Variants in RBBP8 observed in about 807,000 individuals in gnomAD.
RBBP8 encodes RB binding protein 8, endonuclease.
RBBP8 carries 88 observed loss-of-function variants against 108.3 expected under a neutral mutation model. The ratio of observed to expected loss-of-function variants is 0.81; its 90% CI spans 0.68 to 0.97. The LOEUF (loss-of-function observed/expected upper bound fraction) is 0.97. RBBP8 is among the 50% of genes least tolerant of loss of function. RBBP8 has a pLI of 0.00. For missense variants in RBBP8, 1,023 were observed against 1,049.0 expected, an observed-to-expected ratio of 0.98 and a Z score of 0.34; for synonymous variants, 332 against 348.2, an observed-to-expected ratio of 0.95 and a Z score of 0.52.
Position 23,026,311 on chromosome 18 carries a change from C to T in RBBP8, c.*71C>T, listed in dbSNP as rs2046450948. ...TAGTTATTTATAGTTAAAGTTGGTA[C>T]TAAACATTGATTTTTTTGATCTTCT... On this transcript the variant is annotated 3_prime_UTR_variant, in exon 19 of 19. Transcript: ENST00000327155. 49 of 1,243,042 alleles carry T rather than the reference C, an allele frequency of 3.9e-5. No individual in the cohort carries two copies. The South Asian group carries it at 5.9e-4, about 15-fold the overall frequency. 77.0% of individuals were successfully genotyped at this position (1,243,042 alleles called of 1,614,324 possible).
intron 2 of RBBP8, among the ~76,000 whole-genome samples, chr18:22,940,184 TG>T (rs1910954091): frequency 1.3e-5 from 2 of 152,012 alleles, no homozygotes; most frequent in African/African-American, 4.8e-5. Context: ...CAAAAAATGT[TG>T]GGATTTTGGG....
At chr18:22,966,591 A>AG (rs1913610274) in intron 4 of RBBP8, among the ~76,000 whole-genome samples, 2 of 106,534 alleles carry the variant, frequency 1.9e-5, no homozygotes, top group African/African-American at 3.0e-5. Flanking sequence ...AAAAAAAAAA[A>AG]AGTCTATGTT....
chr18:22,996,510 A>T, intron 13 of RBBP8, 48 bp downstream of exon 13: 1 of 1,601,772 alleles, frequency 6.2e-7, no homozygotes, highest in Non-Finnish European at 8.5e-7. Flanking sequence ...TATTCCAATG[A>T]GTTGTTAGTC....
At chr18:22,920,090 C>T (rs1350959346) in intron 3 of RBBP8, among the ~76,000 whole-genome samples, 2 of 151,856 alleles carry the variant, frequency 1.3e-5, no homozygotes, top group African/African-American at 2.4e-5. Flanking sequence ...TGAGAGGCCA[C>T]GGTAAGCGGA....
intron 3 of RBBP8, among the ~76,000 whole-genome samples, chr18:22,920,450 A>T (rs1169187292): frequency 6.6e-6 from 1 of 152,230 alleles, no homozygotes; most frequent in Non-Finnish European, 1.5e-5. Context: ...CTATTATCTT[A>T]GAAATTATGT....
intron 6 of RBBP8, among the ~76,000 whole-genome samples, chr18:22,978,509 TG>T (rs200448298): frequency 0.01 from 1,529 of 150,998 alleles, 24 homozygotes; most frequent in African/African-American, 0.034. Flanking sequence ...TAGTTTTGTT[TG>T]TTTTTTTGTT....
chr18:22,919,830 G>A (rs1371181863), intron 3 of RBBP8, among the ~76,000 whole-genome samples: 1 of 151,988 alleles, frequency 6.6e-6, no homozygotes, highest in Admixed American at 6.6e-5. Context: ...GGGATTACAG[G>A]TGTGAGCCAC....
At chr18:22,958,452 C>G (rs1416575701) in intron 4 of RBBP8, among the ~76,000 whole-genome samples, 1 of 152,196 alleles carries the variant, frequency 6.6e-6, no homozygotes, top group Non-Finnish European at 1.5e-5. Context: ...GAATTTCTCA[C>G]TACCCTTTTT....
At chr18:22,934,648 A>G (rs1910367008) in intron 1 of RBBP8, 1 of 151,488 alleles carries the variant, frequency 6.6e-6, no homozygotes, top group Non-Finnish European at 1.5e-5. Flanking sequence ...CTTTAGGTAT[A>G]TCTCCTAATC....
At chr18:22,986,684 C>T (rs899698203) in intron 8 of RBBP8, among the ~76,000 whole-genome samples, 2 of 152,094 alleles carry the variant, frequency 1.3e-5, no homozygotes, top group Non-Finnish European at 2.9e-5. Context: ...TTAAAAAGGT[C>T]AGAGGAGATG....
chr18:22,995,410 A>G (rs1281999437), intron 12 of RBBP8, among the ~76,000 whole-genome samples: 3 of 152,166 alleles, frequency 2.0e-5, no homozygotes, highest in African/African-American at 7.2e-5. Flanking sequence ...CATCAATGTT[A>G]TAGTTTTTAA....
chr18:23,005,307 G>A (rs1020727749), intron 15 of RBBP8, among the ~76,000 whole-genome samples: 7 of 152,202 alleles, frequency 4.6e-5, no homozygotes, highest in Admixed American at 4.6e-4. Flanking sequence ...ACAAAGAAAT[G>A]ACAAATGTTT....
At chr18:23,024,090 G>A (rs1261720456) in intron 18 of RBBP8, among the ~76,000 whole-genome samples, 1 of 137,254 alleles carries the variant, frequency 7.3e-6, no homozygotes, top group Non-Finnish European at 1.5e-5. Context: ...TCACCATACT[G>A]GCCAGGCTGG....
chr18:22,918,592 A>G (rs1035206453), intron 3 of RBBP8, among the ~76,000 whole-genome samples: 1 of 152,150 alleles, frequency 6.6e-6, no homozygotes, highest in Admixed American at 6.6e-5. Context: ...GCATGGCTGT[A>G]CCTTACTTGT....
At chr18:22,956,353 G>A (rs1282642279) in intron 4 of RBBP8, among the ~76,000 whole-genome samples, 1 of 151,570 alleles carries the variant, frequency 6.6e-6, no homozygotes, top group Non-Finnish European at 1.5e-5. Context: ...GTTTTGTTTA[G>A]AGACAGGGTC....
At chr18:23,026,047 T>C in intron 18 of RBBP8, 96 bp from the exon 19 acceptor site, 1 of 977,354 alleles carries the variant, frequency 1.0e-6, no homozygotes, top group Admixed American at 2.0e-5. Context: ...CATGTAAACT[T>C]ACAAAGCATC....
rs944273004 is a variant in RBBP8 at position 23,026,470 on chromosome 18, C to A, written c.*230C>A. On this transcript the variant is annotated 3_prime_UTR_variant, in exon 19 of 19. Coordinates refer to ENST00000327155, the MANE Select transcript of RBBP8 (RefSeq NM_002894.3). ...TTACTTTATGTAGTGATACCTAATA[C>A]AATTTTGAAAATACAATAGTTGTAG... The A allele has an allele frequency of 2.2e-6, 1 of 456,358 alleles. No individual in the cohort carries two copies. Among genetic ancestry groups the A allele is most frequent in the African/African-American group, 2.0e-5 (1 of 50,166 alleles). 28.3% of individuals were successfully genotyped at this position (456,358 alleles called of 1,614,324 possible).
chr18:22,929,567 A>T (rs1909945573), upstream of RBBP8: 1 of 131,266 alleles, frequency 7.6e-6, no homozygotes, highest in African/African-American at 2.8e-5. Context: ...TGTGTGTTTA[A>T]GAGACAGGTT....
chr18:22,975,220 G>A lies in RBBP8; in HGVS notation c.428+1G>A. On this transcript the variant is annotated splice_donor_variant, in intron 6 of 18. Transcript: ENST00000327155. LOFTEE classifies it high-confidence loss of function. The stretch of plus-strand genomic sequence containing the variant: ...CTGAACAACTCCAGCAGAAAATTGA[G>A]TAAGTATTTTCCTCCAACCTTGTTA... The A allele has an allele frequency of 6.2e-7, 1 of 1,612,380 alleles. No homozygotes were observed. The highest frequency in any genetic ancestry group is 1.1e-5 in the South Asian group (1 of 90,904).
Sources: allele counts gnomAD v4.1 joint callset (sites outside exome capture counted in the v4.1 genomes callset), GRCh38; gene constraint gnomAD v4.1.1; transcripts MANE v1.5; gene names NCBI Gene and HGNC (gene_info 2026-07-23, HGNC 2026-07-21).